Variants in PDE10A observed in about 807,000 individuals in gnomAD.
PDE10A encodes phosphodiesterase 10A, also known as cAMP and cAMP-inhibited cGMP 3',5'-cyclic phosphodiesterase 10A.
A neutral mutation model predicts 97.7 loss-of-function variants in PDE10A; 39 were observed. The ratio of observed to expected loss-of-function variants is 0.40; its 90% confidence interval spans 0.31 to 0.52. PDE10A has a LOEUF of 0.52. Ranked by LOEUF, PDE10A falls within the 20% of genes least tolerant of loss-of-function variation. The pLI is 0.56. For missense variants in PDE10A, 731 were observed against 1,047.8 expected (o/e 0.70, Z 4.17); for synonymous variants, 371 against 376.8 (o/e 0.98, Z 0.18).
intron 1 of PDE10A, among the ~76,000 whole-genome samples, chr6:165,920,270 A>T (rs9459530): frequency 0.26 from 39,849 of 152,098 alleles, 5,446 homozygotes; most frequent in Non-Finnish European, 0.29. Flanking sequence ...CATGTAGTAA[A>T]TGTATGCCAT....
rs561468099 is a variant in PDE10A at position 165,875,813 on chromosome 6, G to A, written c.-615+111716C>T. Among the ~76,000 whole-genome samples, 3 of 143,520 alleles carry A rather than the reference G, an allele frequency of 2.1e-5. No individual in the cohort carries two copies. The South Asian group carries it at 6.7e-4, about 32-fold the overall frequency. The allele number at this position is 143,520 out of a possible 152,430, so 94.2% of individuals were successfully genotyped here. A position where few individuals can be genotyped will look rare whatever the true frequency, so the allele number is the denominator to read the frequency against. ...TCCTACCAGATGTTTGATAATTGTT[G>A]TGCCTTCTTCCTCTATTGGTTTTTA... On this transcript the variant is annotated intron_variant, in intron 1 of 19. Transcript: ENST00000366882.
chr6:165,469,662 G>T (rs996043510), intron 3 of PDE10A, among the ~76,000 whole-genome samples: 2 of 152,266 alleles, frequency 1.3e-5, no homozygotes, highest in Middle Eastern at 3.4e-3. Flanking sequence ...TTATCATCAA[G>T]AATGAGTGGT....
At position 165,394,418 on chromosome 6, in the gene PDE10A, T is replaced by C. The variant is rs182228501; in HGVS notation, c.2303+763A>G. On this transcript the variant is annotated intron_variant, in intron 15 of 21. Transcript: ENST00000539869. ...GAACTCATCCTTTTTTATGGCTGCA[T>C]AGTATTCCATGGTGTGTATGTGCCA... is the stretch of plus-strand genomic sequence containing the variant. 4.6e-5 allele frequency among the ~76,000 whole-genome samples: 7 copies of C among 152,300 alleles called. No individual in the cohort carries two copies. The East Asian group carries it at 1.4e-3, about 29-fold the overall frequency.
At chr6:165,710,990 C>T (rs1791881966) in intron 1 of PDE10A, among the ~76,000 whole-genome samples, 1 of 152,182 alleles carries the variant, frequency 6.6e-6, no homozygotes, top group South Asian at 2.1e-4. Context: ...CCGTGGGAGG[C>T]GGAACGGCAG....
chr6:165,949,652 T>C (rs1783890133), intron 1 of PDE10A: 3 of 152,226 alleles, frequency 2.0e-5, no homozygotes, highest in African/African-American at 4.8e-5. Context: ...GAGATCTCTT[T>C]AGAAGAACTC....
intron 1 of PDE10A, among the ~76,000 whole-genome samples, chr6:165,575,042 G>T (rs73786645): frequency 0.11 from 16,476 of 151,924 alleles, 1,498 homozygotes; most frequent in African/African-American, 0.25. Flanking sequence ...TCAGGTATTT[G>T]CCCTCAACTG....
At chr6:165,480,843 A>G (rs1369254869) in intron 3 of PDE10A, among the ~76,000 whole-genome samples, 7 of 152,192 alleles carry the variant, frequency 4.6e-5, no homozygotes, top group Non-Finnish European at 1.0e-4. Context: ...TAGTCAAATA[A>G]GTATTGATCA....
intron 1 of PDE10A, among the ~76,000 whole-genome samples, chr6:165,796,329 G>A (rs1209868241): frequency 6.6e-5 from 10 of 151,912 alleles, no homozygotes; most frequent in African/African-American, 1.9e-4. Flanking sequence ...CTCATGATCC[G>A]CCCGCCTCAG....
At chr6:165,434,289 A>G (rs930872595) in intron 6 of PDE10A, among the ~76,000 whole-genome samples, 1 of 151,146 alleles carries the variant, frequency 6.6e-6, no homozygotes, top group Non-Finnish European at 1.5e-5. Flanking sequence ...CTGTCCTTCT[A>G]TCTCTTCCTT....
Position 165,915,494 on chromosome 6 carries a change from G to A in PDE10A, c.-615+72035C>T, listed in dbSNP as rs182521102. On this transcript the variant is annotated intron_variant, in intron 1 of 19. Coordinates refer to the PDE10A transcript ENST00000366882. ...TGTCACATGCCACAGTGCAGCCCAC[G>A]GTCTCTCTGCACCAGAGAGGCAGTA... Among the ~76,000 whole-genome samples, 662 of 152,282 alleles carry A rather than the reference G, an allele frequency of 4.3e-3. 5 individuals are homozygous for A. The highest frequency in any genetic ancestry group is 5.3e-3 in the Non-Finnish European group (360 of 68,028).
At chr6:165,906,714 A>G (rs879298925) in intron 1 of PDE10A, among the ~76,000 whole-genome samples, 1 of 152,152 alleles carries the variant, frequency 6.6e-6, no homozygotes, top group Non-Finnish European at 1.5e-5. Context: ...AAAGCCTGGA[A>G]TAGGAGAGGT....
chr6:165,386,855 C>CA (rs34632085), intron 17 of PDE10A, among the ~76,000 whole-genome samples: 25 of 143,656 alleles, frequency 1.7e-4, no homozygotes, highest in South Asian at 4.5e-4. Context: ...AAAAAAAATA[C>CA]AAAAAAAAAA....
rs558507771 is a variant in PDE10A at position 165,694,654 on chromosome 6, T to A, written c.-614-151086A>T. Among the ~76,000 whole-genome samples the A allele has an allele frequency of 4.9e-4, 74 of 152,372 alleles. 2 individuals are homozygous for A. In the South Asian group the frequency reaches 5.8e-3, roughly 12 times the overall value. On this transcript the variant is annotated intron_variant, in intron 1 of 19. Transcript: ENST00000366882. Reference sequence around the variant, plus strand: ...GCCTCGTTTATAAAGAAGGCAGATATCACATGCCATGCTCTCTTAAATTTC... The same window carrying A: ...GCCTCGTTTATAAAGAAGGCAGATAACACATGCCATGCTCTCTTAAATTTC...
At chr6:165,521,737 A>G (rs552685704) in intron 2 of PDE10A, among the ~76,000 whole-genome samples, 3 of 152,168 alleles carry the variant, frequency 2.0e-5, no homozygotes, top group Non-Finnish European at 4.4e-5. Flanking sequence ...AGTAGAGGTT[A>G]GTTCATGAAG....
chr6:165,763,684 C>T (rs888436346), intron 1 of PDE10A, among the ~76,000 whole-genome samples: 1 of 152,184 alleles, frequency 6.6e-6, no homozygotes, highest in Non-Finnish European at 1.5e-5. Flanking sequence ...TCATGTATGT[C>T]TAATCTGATC....
At chr6:165,485,458 A>T (rs192270489) in intron 2 of PDE10A, among the ~76,000 whole-genome samples, 1,972 of 127,730 alleles carry the variant, frequency 0.015, 43 homozygotes, top group African/African-American at 0.061. Flanking sequence ...ACAGAGTGAG[A>T]CTCTGTCTCA....
chr6:165,943,292 AAGG>A (rs1441548930), intron 1 of PDE10A, among the ~76,000 whole-genome samples: 18 of 108,564 alleles, frequency 1.7e-4, no homozygotes, highest in South Asian at 2.9e-4. Flanking sequence ...AGAAAGAAAG[AAGG>A]AAAGAAAGAA....
chr6:165,778,387 T>A lies in PDE10A; in HGVS notation c.-615+209142A>T, dbSNP rs565873906. 6.6e-5 allele frequency among the ~76,000 whole-genome samples: 10 copies of A among 152,332 alleles called. No homozygotes were observed. The East Asian group carries it at 1.7e-3, about 26-fold the overall frequency. ...GCCTGGCCTACATGTTTATTTTCAT[T>A]CAGTATTTTGTTTCTAAAATTCATC... On this transcript the variant is annotated intron_variant, in intron 1 of 19. Coordinates refer to the PDE10A transcript ENST00000366882.
intron 1 of PDE10A, among the ~76,000 whole-genome samples, chr6:165,693,919 T>C (rs1437840673): frequency 6.6e-6 from 1 of 152,242 alleles, no homozygotes; most frequent in Non-Finnish European, 1.5e-5. Context: ...AGAAGTTTTT[T>C]TTCCAGTTAA....
Sources: allele counts gnomAD v4.1 joint callset (sites outside exome capture counted in the v4.1 genomes callset), GRCh38; gene constraint gnomAD v4.1.1; transcripts MANE v1.5; gene names NCBI Gene and HGNC (gene_info 2026-07-23, HGNC 2026-07-21).